Variants in HTRA3 observed in about 807,000 individuals in gnomAD.
HTRA3 encodes serine protease HTRA3.
In HTRA3, 41 loss-of-function variants were observed where a neutral mutation model predicts 43.2. That is an observed-to-expected ratio of 0.95 (90% CI 0.74 to 1.23). The LOEUF is 1.23. Ranked by LOEUF, HTRA3 falls within the 50% of genes most tolerant of loss-of-function variation. HTRA3 has a pLI of 0.00. For synonymous variants in HTRA3, 295 were observed against 287.9 expected (o/e 1.02, Z -0.25); for missense variants, 628 against 647.1 (o/e 0.97, Z 0.32).
chr4:8,272,066 C>T (rs906212888), intron 1 of HTRA3, among the ~76,000 whole-genome samples: 1 of 152,174 alleles, frequency 6.6e-6, no homozygotes, highest in African/African-American at 2.4e-5. Flanking sequence ...CTGCCCGTTG[C>T]AGCCCAGCTG....
intron 4 of HTRA3, 44 bp from the exon 5 acceptor site, chr4:8,292,277 C>T (rs558767790): frequency 6.3e-7 from 1 of 1,592,788 alleles, no homozygotes; most frequent in East Asian, 2.2e-5. Flanking sequence ...CAGGAAGCCT[C>T]AGGCGGGGTC....
At position 8,296,548 on chromosome 4, in the gene HTRA3, T is replaced by A. The variant is rs1004459357; in HGVS notation, c.1051+2347T>A. ...AAGGAGATGTTAAGTGCATTTATTA[T>A]TCTCGTCTGGAGGTGGGGTGCAGAG... On this transcript the variant is annotated intron_variant, in intron 6 of 8. Transcript: ENST00000307358. This position sits in a 1 kb window ranked among gnomAD's most constrained non-coding sequence, Gnocchi z 5.3. 2.3e-5 allele frequency: 23 copies of A among 984,932 alleles called. No individual in the cohort carries two copies. The highest frequency in any genetic ancestry group is 2.7e-5 in the Non-Finnish European group (22 of 829,452). The allele number at this position is 984,932 out of a possible 1,614,324, so 61.0% of individuals were successfully genotyped here.
At chr4:8,302,351 C>G in intron 6 of HTRA3, 112 bp from the exon 7 acceptor site, 1 of 965,752 alleles carries the variant, frequency 1.0e-6, no homozygotes. Flanking sequence ...CAGAATGACA[C>G]CTGCTGCTTC....
chr4:8,286,530 T>C lies in HTRA3; in HGVS notation c.486-31T>C. 2 of 1,605,170 alleles carry C rather than the reference T, an allele frequency of 1.2e-6. No individual in the cohort carries two copies. The highest frequency in any genetic ancestry group is 2.2e-5 in the East Asian group (1 of 44,800). ...ACTCCCCCGCGTCCTAGCCCCACCC[T>C]AAATGCCCGCCTGTGTCTCCCTGGC... On this transcript the variant is annotated intron_variant, in intron 2 of 8. Transcript: ENST00000307358. The surrounding 1 kb of genome is among the most constrained non-coding windows in gnomAD (Gnocchi z 4.9).
chr4:8,286,249 C>T lies in HTRA3; in HGVS notation c.486-312C>T, dbSNP rs766024484. 4.6e-5 allele frequency among the ~76,000 whole-genome samples: 7 copies of T among 152,194 alleles called. No homozygotes were observed. Among genetic ancestry groups the T allele is most frequent in the East Asian group, 1.9e-4 (1 of 5,198 alleles). On this transcript the variant is annotated intron_variant, in intron 2 of 8. Coordinates refer to ENST00000307358, the MANE Select transcript of HTRA3 (RefSeq NM_053044.5). The surrounding 1 kb of genome is among the most constrained non-coding windows in gnomAD (Gnocchi z 4.9). ...ATTAGCATCCTGGTCTGTCTGGCTC[C>T]GTGCTCCGTAGTCAGGATGGCGAGT...
In HTRA3 at chr4:8,269,993, G is replaced by A. The variant is rs1322480396; in HGVS notation, c.25G>A (p.Ala9Thr). Residue 9 changes from alanine (A) to threonine (T), a missense_variant, in exon 1 of 9, where the codon GCC becomes ACC. Physicochemically the swap from Ala to Thr is moderately conservative, Grantham distance 58. Transcript: ENST00000307358. The part of the protein sequence containing the change: MQARALLL[A>T]ALAALALARE... Reference sequence around the variant, plus strand: ...CATGCAGGCGCGAGCGCTGCTCCTGGCCGCGTTGGCCGCGCTGGCGCTGGC... The same window carrying A: ...CATGCAGGCGCGAGCGCTGCTCCTGACCGCGTTGGCCGCGCTGGCGCTGGC... 5.6e-6 allele frequency: 7 copies of A among 1,251,862 alleles called. No homozygotes were observed. Among genetic ancestry groups the A allele is most frequent in the Non-Finnish European group, 7.0e-6 (7 of 1,002,840 alleles). 77.5% of individuals were successfully genotyped at this position (1,251,862 alleles called of 1,614,324 possible).
chr4:8,285,774 G>T (rs906318456), intron 2 of HTRA3, among the ~76,000 whole-genome samples: 5 of 152,254 alleles, frequency 3.3e-5, no homozygotes, highest in African/African-American at 1.2e-4. Context: ...TTCACAGAGG[G>T]CAGGGCCCAG....
At chr4:8,278,159 C>A (rs559191578) in intron 1 of HTRA3, among the ~76,000 whole-genome samples, 1 of 152,268 alleles carries the variant, frequency 6.6e-6, no homozygotes, top group African/African-American at 2.4e-5. Context: ...AGAGCCAGCA[C>A]GTGGTCCTCT....
At chr4:8,292,076 G>C (rs546600840) in intron 4 of HTRA3, among the ~76,000 whole-genome samples, 27 of 151,388 alleles carry the variant, frequency 1.8e-4, no homozygotes, top group African/African-American at 6.5e-4. Flanking sequence ...CCTGGCCTCC[G>C]GGGTGTAGAT....
chr4:8,275,342 A>C (rs1459886852), intron 1 of HTRA3, among the ~76,000 whole-genome samples: 1 of 152,160 alleles, frequency 6.6e-6, no homozygotes, highest in Non-Finnish European at 1.5e-5. Context: ...TCCCTGCCGA[A>C]AGCTGGGCCA....
intron 1 of HTRA3, among the ~76,000 whole-genome samples, chr4:8,277,077 C>T (rs55771022): frequency 0.31 from 47,433 of 152,136 alleles, 8,493 homozygotes; most frequent in Non-Finnish European, 0.4. Context: ...GCCCTCATCC[C>T]GCCTGCGTTC....
At chr4:8,277,683 T>C (rs1409126828) in intron 1 of HTRA3, among the ~76,000 whole-genome samples, 1 of 151,232 alleles carries the variant, frequency 6.6e-6, no homozygotes, top group East Asian at 1.9e-4. Flanking sequence ...CAGGGGAGAG[T>C]GGCAGCACGT....
At chr4:8,281,661 G>A (rs940777416) in intron 1 of HTRA3, among the ~76,000 whole-genome samples, 1 of 152,230 alleles carries the variant, frequency 6.6e-6, no homozygotes, top group Non-Finnish European at 1.5e-5. Flanking sequence ...GAGAGAGCCC[G>A]GCACAGGCCC....
intron 1 of HTRA3, among the ~76,000 whole-genome samples, chr4:8,280,806 G>A (rs894087626): frequency 2.6e-5 from 4 of 152,208 alleles, no homozygotes; most frequent in Admixed American, 6.5e-5. Context: ...TGAAGTGGAC[G>A]AGGGCTGGTG....
At position 8,290,056 on chromosome 4, in the gene HTRA3, C is replaced by T. The variant is rs12641204; in HGVS notation, c.709-1314C>T. Reference sequence around the variant, plus strand: ...ATTTCAGACGTTATTTCTGCCTCTTCGGCCGGTCAGCAATGGAAAATGTCA... The same window carrying T: ...ATTTCAGACGTTATTTCTGCCTCTTTGGCCGGTCAGCAATGGAAAATGTCA... On this transcript the variant is annotated intron_variant, in intron 3 of 8. Transcript: ENST00000307358. 5.3e-5 allele frequency among the ~76,000 whole-genome samples: 8 copies of T among 152,358 alleles called. No individual in the cohort carries two copies. The East Asian group carries it at 1.2e-3, about 22-fold the overall frequency.
intron 1 of HTRA3, among the ~76,000 whole-genome samples, chr4:8,280,356 C>G (rs981676412): frequency 1.3e-5 from 2 of 152,094 alleles, no homozygotes; most frequent in African/African-American, 4.8e-5. Context: ...CCCTCTGGGT[C>G]GTGGAAATTG....
rs749598655 is a variant in HTRA3, at chr4:8,306,142, G to A, written c.*6G>A. On this transcript the variant is annotated 3_prime_UTR_variant, in exon 9 of 9. Coordinates refer to ENST00000307358, the MANE Select transcript of HTRA3 (RefSeq NM_053044.5). The surrounding 1 kb of genome is among the most constrained non-coding windows in gnomAD (Gnocchi z 8.9). ...CACCTGAGGTGGTCATGTGAGGGGC[G>A]CATTCCTCCAGCGCCAAGCGTCAGA... 7.7e-6 allele frequency: 12 copies of A among 1,564,216 alleles called. No homozygotes were observed. Among genetic ancestry groups the A allele is most frequent in the Non-Finnish European group, 1.0e-5 (12 of 1,149,968 alleles).
At chr4:8,301,258 T>C (rs181246716) in intron 6 of HTRA3, among the ~76,000 whole-genome samples, 10 of 151,174 alleles carry the variant, frequency 6.6e-5, no homozygotes, top group Admixed American at 5.9e-4. Context: ...CTCAGCTTTA[T>C]TGATTCACAC....
intron 1 of HTRA3, among the ~76,000 whole-genome samples, chr4:8,274,199 C>T (rs536152081): frequency 3.3e-4 from 50 of 152,374 alleles, no homozygotes; most frequent in African/African-American, 1.1e-3. Context: ...ATGGCCTCAC[C>T]GGTCTCTTTC....
Sources: allele counts gnomAD v4.1 joint callset (sites outside exome capture counted in the v4.1 genomes callset), GRCh38; gene constraint gnomAD v4.1.1; non-coding constraint Gnocchi (gnomAD v3.1); transcripts MANE v1.5; gene names NCBI Gene and HGNC (gene_info 2026-07-23, HGNC 2026-07-21).